The following ADAMTS14 variants were observed in gnomAD, a reference collection of about 807,000 sequenced individuals.
ADAMTS14 encodes the protein A disintegrin and metalloproteinase with thrombospondin motifs 14.
ADAMTS14 carries 100 observed loss-of-function variants against 128.6 expected under a neutral mutation model. That is an observed-to-expected ratio of 0.78 (90% CI 0.66 to 0.92). The LOEUF is 0.92. Among genes scored for constraint, ADAMTS14 ranks in the 40% least tolerant of loss-of-function variants. ADAMTS14 has a pLI of 0.00. For synonymous variants in ADAMTS14, 665 were observed against 653.8 expected, an observed-to-expected ratio of 1.02 and a Z score of -0.26; for missense variants, 1,562 against 1,658.6, an observed-to-expected ratio of 0.94 and a Z score of 1.01.
intron 21 of ADAMTS14, 116 bp downstream of exon 21, chr10:70,758,401 C>A: frequency 2.4e-6 from 2 of 842,234 alleles, no homozygotes; most frequent in Non-Finnish European, 3.6e-6. Flanking sequence ...GTGACCTTCA[C>A]CTCCCTGAGC....
intron 2 of ADAMTS14, among the ~76,000 whole-genome samples, chr10:70,681,317 G>A (rs536717301): frequency 6.6e-6 from 1 of 152,170 alleles, no homozygotes; most frequent in Non-Finnish European, 1.5e-5. Flanking sequence ...ATCAGTAGGG[G>A]TTTTCAAAGC....
At chr10:70,708,901 T>G in intron 4 of ADAMTS14, 123 bp downstream of exon 4, 2 of 777,946 alleles carry the variant, frequency 2.6e-6, no homozygotes, top group Non-Finnish European at 3.7e-6. Context: ...TTAGGTGGAT[T>G]TGGGGAAGTC....
chr10:70,743,925 A>G, intron 13 of ADAMTS14, 141 bp from the exon 14 acceptor site: 1 of 1,272,100 alleles, frequency 7.9e-7, no homozygotes. Flanking sequence ...CCCACGGTGA[A>G]TTCGTGCCAG....
rs760713609 is a variant in ADAMTS14 at position 70,760,655 on chromosome 10, C to T, written c.3474C>T (p.Ser1158=). The part of the protein sequence containing the change: ...ATQLPGALDT[S]SPGTQHPFAP... ...AGCTCCCAGGAGCTCTGGATACAAG[C>T]TCCCCAGGGACCCAGCATCCCTTTG... The change falls in exon 22 of 22, where the codon AGC becomes AGT. Residue 1158 remains serine, a synonymous_variant. Coordinates refer to ENST00000373207, the MANE Select transcript of ADAMTS14 (RefSeq NM_080722.4). The T allele has an allele frequency of 2.2e-5, 36 of 1,614,042 alleles. No individual in the cohort carries two copies. In the Admixed American group the frequency reaches 5.8e-4, roughly 26 times the overall value.
chr10:70,746,562 C>T (rs1354326776), intron 15 of ADAMTS14, among the ~76,000 whole-genome samples: 8 of 152,186 alleles, frequency 5.3e-5, no homozygotes, highest in Non-Finnish European at 1.2e-4. Context: ...AATCCCAACA[C>T]TTTGGGAGGC....
At chr10:70,714,727 C>T (rs1002049382) in intron 4 of ADAMTS14, among the ~76,000 whole-genome samples, 3 of 151,940 alleles carry the variant, frequency 2.0e-5, no homozygotes, top group Admixed American at 6.6e-5. Context: ...GCAGGTGTAT[C>T]ACCTAAGGTC....
chr10:70,740,511 C>G (rs995307009), intron 11 of ADAMTS14, among the ~76,000 whole-genome samples: 7 of 152,220 alleles, frequency 4.6e-5, no homozygotes, highest in Non-Finnish European at 8.8e-5. Flanking sequence ...TGGAAGCCAG[C>G]TCTTCTGATT....
At chr10:70,689,427 A>G (rs991215937) in intron 2 of ADAMTS14, among the ~76,000 whole-genome samples, 1 of 144,806 alleles carries the variant, frequency 6.9e-6, no homozygotes, top group East Asian at 1.9e-4. Context: ...CAAAGGAGGG[A>G]GCAGTGATGG....
intron 18 of ADAMTS14, among the ~76,000 whole-genome samples, chr10:70,753,579 C>T (rs1217148546): frequency 1.3e-5 from 2 of 152,164 alleles, no homozygotes; most frequent in Non-Finnish European, 2.9e-5. Context: ...ACACATCATG[C>T]CTGTTTTTCA....
chr10:70,724,849 T>G (rs752389849), intron 4 of ADAMTS14, among the ~76,000 whole-genome samples: 1 of 152,160 alleles, frequency 6.6e-6, no homozygotes, highest in Non-Finnish European at 1.5e-5. Flanking sequence ...CCTTATTTAG[T>G]ATAAGAAAAG....
At chr10:70,705,517 CTA>C (rs767014693) in intron 3 of ADAMTS14, among the ~76,000 whole-genome samples, 2 of 152,234 alleles carry the variant, frequency 1.3e-5, no homozygotes, top group Non-Finnish European at 2.9e-5. Context: ...GTTTTTAAAA[CTA>C]TATTCACAAT....
At chr10:70,759,347 A>C (rs1842554903) in intron 21 of ADAMTS14, among the ~76,000 whole-genome samples, 3 of 147,610 alleles carry the variant, frequency 2.0e-5, no homozygotes, top group African/African-American at 2.5e-5. Context: ...CACTCTTCCC[A>C]CCTCCCTCTT....
chr10:70,699,889 G>A (rs1840443846), intron 2 of ADAMTS14, among the ~76,000 whole-genome samples: 1 of 152,086 alleles, frequency 6.6e-6, no homozygotes, highest in Admixed American at 6.5e-5. Context: ...GGACCGAGAC[G>A]GTGCAGGCCA....
At chr10:70,724,400 C>T (rs112707850) in intron 4 of ADAMTS14, among the ~76,000 whole-genome samples, 5,086 of 152,264 alleles carry the variant, frequency 0.033, 328 homozygotes, top group African/African-American at 0.12. Flanking sequence ...CCATGGGAAG[C>T]GATCCGTGAT....
intron 15 of ADAMTS14, among the ~76,000 whole-genome samples, chr10:70,745,712 G>A (rs184171480): frequency 1.3e-5 from 2 of 152,184 alleles, no homozygotes; most frequent in Non-Finnish European, 2.9e-5. Context: ...ATAATTCTTA[G>A]CTCACGGTCC....
chr10:70,749,109 A>G (rs1447229669), intron 15 of ADAMTS14, among the ~76,000 whole-genome samples: 1 of 152,218 alleles, frequency 6.6e-6, no homozygotes, highest in African/African-American at 2.4e-5. Flanking sequence ...ATAAGCCAAC[A>G]GGCCGCTGGG....
Position 70,736,809 on chromosome 10 carries a change from G to A in ADAMTS14, c.1599+16G>A. On this transcript the variant is annotated intron_variant, in intron 10 of 21. Transcript: ENST00000373207. ...ACCCGGCAAGGTACCTGTGGGGTGT[G>A]CAGCAGGAGTGGCCTTCCTGGGGTG... 1 of 1,611,072 alleles carries A rather than the reference G, an allele frequency of 6.2e-7. No individual in the cohort carries two copies. The highest frequency in any genetic ancestry group is 8.5e-7 in the Non-Finnish European group (1 of 1,177,872).
At chr10:70,675,671 G>A (rs902663642) in intron 2 of ADAMTS14, among the ~76,000 whole-genome samples, 2 of 152,198 alleles carry the variant, frequency 1.3e-5, no homozygotes, top group African/African-American at 2.4e-5. Flanking sequence ...CAGAGTCTGG[G>A]AGCGCCTCTG....
chr10:70,740,239 A>G (rs1841954059), intron 11 of ADAMTS14, among the ~76,000 whole-genome samples: 1 of 152,260 alleles, frequency 6.6e-6, no homozygotes. Context: ...ACTTAGGTAC[A>G]AAAATCTGTG....
Sources: allele counts gnomAD v4.1 joint callset (sites outside exome capture counted in the v4.1 genomes callset), GRCh38; gene constraint gnomAD v4.1.1; transcripts MANE v1.5; gene names NCBI Gene and HGNC (gene_info 2026-07-23, HGNC 2026-07-21).